The following FTO variants were observed in gnomAD, a reference collection of about 807,000 sequenced individuals.
FTO encodes alpha-ketoglutarate-dependent dioxygenase FTO.
Under a neutral mutation model 63.9 loss-of-function variants are expected in FTO, and 47 were observed. That is an observed-to-expected ratio of 0.74 (90% CI 0.58 to 0.94). FTO has a LOEUF of 0.94. Ranked by LOEUF, FTO falls within the 40% of genes least tolerant of loss-of-function variation. FTO has a pLI of 0.00. For synonymous variants in FTO, 207 were observed against 224.4 expected, an observed-to-expected ratio of 0.92 and a Z score of 0.69; for missense variants, 562 against 618.1, an observed-to-expected ratio of 0.91 and a Z score of 0.96.
chr16:53,911,616 C>T (rs1432142654), intron 7 of FTO: 1 of 636,334 alleles, frequency 1.6e-6, no homozygotes, highest in Non-Finnish European at 2.9e-6. Context: ...CTGGAGGTTC[C>T]TGAGAGGAAG....
intron 8 of FTO, among the ~76,000 whole-genome samples, chr16:53,959,757 C>T (rs2083026596): frequency 6.6e-6 from 1 of 152,052 alleles, no homozygotes; most frequent in African/African-American, 2.4e-5. Context: ...GGAGCCTAAG[C>T]TTTTAACCAT....
At chr16:53,857,346 CT>C (rs2080032289) in intron 4 of FTO, among the ~76,000 whole-genome samples, 1 of 152,046 alleles carries the variant, frequency 6.6e-6, no homozygotes, top group African/African-American at 2.4e-5. Context: ...ATTTGGTTTT[CT>C]TTTCCTGCGT....
rs559820659 is a variant in FTO, at chr16:54,119,493, C to A, written c.*7578C>A. 17 of 152,222 alleles carry A rather than the reference C, an allele frequency of 1.1e-4. No homozygotes were observed. The highest frequency in any genetic ancestry group is 3.4e-3 in the Middle Eastern group (1 of 296). 9.4% of individuals were successfully genotyped at this position (152,222 alleles called of 1,614,324 possible). On this transcript the variant is annotated 3_prime_UTR_variant, in exon 9 of 9. Transcript: ENST00000471389. ...CCGTTGATTATGCCTTGATTAGAGT[C>A]AGGAGAGAAGCAAACCAGGTATATA...
intron 8 of FTO, among the ~76,000 whole-genome samples, chr16:53,990,690 C>CA (rs2083789455): frequency 1.2e-5 from 1 of 83,098 alleles, no homozygotes; most frequent in South Asian, 4.6e-4. Flanking sequence ...ATTTTTGAGA[C>CA]AGAGTCTTGC....
At chr16:53,941,941 G>C (rs1290918735) in intron 8 of FTO, among the ~76,000 whole-genome samples, 1 of 152,204 alleles carries the variant, frequency 6.6e-6, no homozygotes, top group African/African-American at 2.4e-5. Flanking sequence ...CTCATTGCCT[G>C]TTTACCACAT....
At chr16:53,778,868 T>C (rs912278047) in intron 1 of FTO, among the ~76,000 whole-genome samples, 3 of 151,948 alleles carry the variant, frequency 2.0e-5, no homozygotes, top group African/African-American at 7.3e-5. Context: ...ATTTTTTTTT[T>C]TTTTTTGAAT....
chr16:53,903,050 C>T (rs1330406559), intron 7 of FTO, among the ~76,000 whole-genome samples: 14 of 152,140 alleles, frequency 9.2e-5, no homozygotes. Flanking sequence ...TTGGAGGTTA[C>T]AGTGAGCTGT....
chr16:53,711,937 A>G (rs932310372), intron 1 of FTO, among the ~76,000 whole-genome samples: 2 of 152,304 alleles, frequency 1.3e-5, no homozygotes, highest in African/African-American at 4.8e-5. Flanking sequence ...TATAAAAATA[A>G]TAACTTGGCC....
rs2086994137 is a variant in FTO, at chr16:54,119,902, A to G, written c.*7987A>G. 6.6e-6 allele frequency: 1 copy of G among 152,228 alleles called. No homozygotes were observed. Among genetic ancestry groups the G allele is most frequent in the African/African-American group, 2.4e-5 (1 of 41,458 alleles). 9.4% of individuals were successfully genotyped at this position (152,228 alleles called of 1,614,324 possible). ...CTGTGAGAAGCATGGTTTCACTTCGACCAGAAATGTCTGTGTATAGTTTTC... is the reference window on the plus strand; with the variant it reads ...CTGTGAGAAGCATGGTTTCACTTCGGCCAGAAATGTCTGTGTATAGTTTTC... On this transcript the variant is annotated 3_prime_UTR_variant, in exon 9 of 9. Coordinates refer to ENST00000471389, the MANE Select transcript of FTO (RefSeq NM_001080432.3).
chr16:54,092,607 ACCATGGAGAAATAATTCACAGAC>A (rs1269098224), intron 8 of FTO, among the ~76,000 whole-genome samples: 1 of 152,132 alleles, frequency 6.6e-6, no homozygotes, highest in Non-Finnish European at 1.5e-5. Context: ...CACTGTACCC[ACCATGGAGAAATAATTCACAGAC>A]CCACTCGCTG....
At chr16:54,018,859 A>G (rs1876888349) in intron 8 of FTO, among the ~76,000 whole-genome samples, 1 of 152,202 alleles carries the variant, frequency 6.6e-6, no homozygotes, top group Non-Finnish European at 1.5e-5. Context: ...CGTTCTCTAT[A>G]GCACTGTGAG....
intron 4 of FTO, among the ~76,000 whole-genome samples, chr16:53,860,690 G>A (rs542694158): frequency 6.6e-6 from 1 of 152,054 alleles, no homozygotes; most frequent in Non-Finnish European, 1.5e-5. Flanking sequence ...CTGAGAGGAT[G>A]GTGCTAAACC....
chr16:53,816,829 C>T (rs72622243), intron 2 of FTO, among the ~76,000 whole-genome samples: 1 of 152,128 alleles, frequency 6.6e-6, no homozygotes, highest in African/African-American at 2.4e-5. Flanking sequence ...TATTGTCTGG[C>T]TCACCTTGCT....
At chr16:54,003,834 G>T (rs2084130154) in intron 8 of FTO, among the ~76,000 whole-genome samples, 1 of 152,138 alleles carries the variant, frequency 6.6e-6, no homozygotes, top group African/African-American at 2.4e-5. Context: ...AAAAAAAGAT[G>T]ATGAGACATC....
At chr16:53,941,501 C>A (rs1032768790) in intron 8 of FTO, among the ~76,000 whole-genome samples, 1 of 152,256 alleles carries the variant, frequency 6.6e-6, no homozygotes, top group Admixed American at 6.5e-5. Context: ...TCTCTCCTAC[C>A]AGAATGAAAG....
intron 8 of FTO, among the ~76,000 whole-genome samples, chr16:54,064,675 G>C (rs2085674524): frequency 6.6e-6 from 1 of 152,132 alleles, no homozygotes; most frequent in Non-Finnish European, 1.5e-5. Context: ...GTAATCCAAA[G>C]CTATTTTACA....
At chr16:53,713,274 A>G (rs2075819766) in intron 1 of FTO, among the ~76,000 whole-genome samples, 1 of 152,162 alleles carries the variant, frequency 6.6e-6, no homozygotes, top group Non-Finnish European at 1.5e-5. Context: ...CCAATTTTAA[A>G]ATGCCAGTTT....
At chr16:54,018,384 T>TAGATGATAGATA (rs1555502652) in intron 8 of FTO, among the ~76,000 whole-genome samples, 1 of 93,448 alleles carries the variant, frequency 1.1e-5, no homozygotes, top group Non-Finnish European at 2.0e-5. Flanking sequence ...GATAGATAGA[T>TAGATGATAGATA]GATAGATAGA....
At chr16:54,011,088 C>T (rs987307154) in intron 8 of FTO, among the ~76,000 whole-genome samples, 38 of 152,144 alleles carry the variant, frequency 2.5e-4, no homozygotes, top group African/African-American at 9.2e-4. Context: ...GACTTCTGCA[C>T]CCCAGATAAC....
Sources: allele counts gnomAD v4.1 joint callset (sites outside exome capture counted in the v4.1 genomes callset), GRCh38; gene constraint gnomAD v4.1.1; transcripts MANE v1.5; gene names NCBI Gene and HGNC (gene_info 2026-07-23, HGNC 2026-07-21).